Variants in KDM4B observed in about 807,000 individuals in gnomAD.
KDM4B encodes the protein lysine demethylase 4B, also known as lysine-specific demethylase 4B.
A neutral mutation model predicts 125.2 loss-of-function variants in KDM4B; 32 were observed. That is an observed-to-expected ratio of 0.26 (90% CI 0.19 to 0.34). KDM4B has a LOEUF of 0.34. KDM4B is among the 10% of genes least tolerant of loss of function. The pLI is 1.00. For synonymous variants in KDM4B, 721 were observed against 677.9 expected, an observed-to-expected ratio of 1.06 and a Z score of -0.99; for missense variants, 1,190 against 1,577.7, an observed-to-expected ratio of 0.75 and a Z score of 4.16.
rs116416042 is a variant in KDM4B, at chr19:5,121,308, C to T, written c.1315+1456C>T. ...TACTCGGTGGGGTACGTGGGCCCTG[C>T]GTCTGTTCAGCACGCCTCAGGAGGG... On this transcript the variant is annotated intron_variant, in intron 11 of 22. Coordinates refer to ENST00000159111, the MANE Select transcript of KDM4B (RefSeq NM_015015.3). Among the ~76,000 whole-genome samples, 272 of 152,242 alleles carry T rather than the reference C, an allele frequency of 1.8e-3. 2 individuals carry two copies. The highest frequency in any genetic ancestry group is 6.2e-3 in the African/African-American group (258 of 41,538).
chr19:5,083,005 C>G (rs12978731), intron 9 of KDM4B, among the ~76,000 whole-genome samples: 1 of 152,072 alleles, frequency 6.6e-6, no homozygotes, highest in Non-Finnish European at 1.5e-5. Context: ...AGTGGCAGTC[C>G]CCCAGCTCCC....
chr19:5,015,607 T>C (rs1599418261), intron 1 of KDM4B, among the ~76,000 whole-genome samples: 1 of 152,182 alleles, frequency 6.6e-6, no homozygotes, highest in Non-Finnish European at 1.5e-5. Flanking sequence ...CCCAGTACTT[T>C]GGGAACCCAA....
chr19:5,066,765 T>A (rs929074480), intron 6 of KDM4B, among the ~76,000 whole-genome samples: 4 of 152,306 alleles, frequency 2.6e-5, no homozygotes, highest in African/African-American at 9.6e-5. Flanking sequence ...GGGCTGGAGA[T>A]GCGGAGCCGA....
chr19:5,125,913 C>T (rs990112218), intron 11 of KDM4B, among the ~76,000 whole-genome samples: 4 of 152,158 alleles, frequency 2.6e-5, no homozygotes, highest in Non-Finnish European at 4.4e-5. Context: ...AGCCTCTGGA[C>T]GAGAGGTTTA....
At chr19:4,981,506 G>A (rs1435188301) in intron 1 of KDM4B, among the ~76,000 whole-genome samples, 3 of 152,168 alleles carry the variant, frequency 2.0e-5, no homozygotes, top group African/African-American at 7.2e-5. Context: ...TGACAGGGTT[G>A]TGAGCCTTAG....
chr19:5,054,117 C>A lies in KDM4B; in HGVS notation c.626+6448C>A, dbSNP rs148911607. On this transcript the variant is annotated intron_variant, in intron 6 of 22. Transcript: ENST00000159111. ...TTATTTTATTTTAGATGAAGTCTTG[C>A]TCTGTCATCCAGGCTGGAGTGCAGT... Among the ~76,000 whole-genome samples the A allele has an allele frequency of 4.3e-3, 651 of 152,352 alleles. 1 individual carries two copies. The highest frequency in any genetic ancestry group is 6.9e-3 in the Non-Finnish European group (470 of 68,036).
rs541088745 is a variant in KDM4B, at chr19:5,133,616, T to C, written c.1907-267T>C. ...GGGGAGGGGCTCAGAGGAACCATGT[T>C]TGGGGGCTCTGGCCTCAGGTGGCAG... is the stretch of plus-strand genomic sequence containing the variant. On this transcript the variant is annotated intron_variant, in intron 13 of 22. Coordinates refer to ENST00000159111, the MANE Select transcript of KDM4B (RefSeq NM_015015.3). 2.0e-5 allele frequency among the ~76,000 whole-genome samples: 3 copies of C among 152,262 alleles called. 1 individual carries two copies. The South Asian group carries it at 6.2e-4, about 32-fold the overall frequency.
rs540538065 is a variant in KDM4B at position 5,014,434 on chromosome 19, G to A, written c.-108-1823G>A. Among the ~76,000 whole-genome samples, 96 of 152,178 alleles carry A rather than the reference G, an allele frequency of 6.3e-4. 1 individual carries two copies. The highest frequency in any genetic ancestry group is 2.3e-3 in the African/African-American group (94 of 41,552). ...TGGGACTGCAGGCGCCCGCCACCAC[G>A]CCTGGCTAATTTTTTGTATTTTTAG... On this transcript the variant is annotated intron_variant, in intron 1 of 22. Transcript: ENST00000159111.
chr19:5,003,959 C>G lies in KDM4B; in HGVS notation c.-108-12298C>G, dbSNP rs1375496242. ...TTGTTGGCCGCGGTCGGATGCTCAG[C>G]CGCTTGAGAATGCTGTCTCCTGCCT... On this transcript the variant is annotated intron_variant, in intron 1 of 22. Transcript: ENST00000159111. 2.6e-5 allele frequency among the ~76,000 whole-genome samples: 4 copies of G among 152,304 alleles called. No homozygotes were observed. In the East Asian group the frequency reaches 5.8e-4, roughly 22 times the overall value.
intron 7 of KDM4B, among the ~76,000 whole-genome samples, chr19:5,071,340 C>G (rs1165111557): frequency 6.6e-6 from 1 of 152,216 alleles, no homozygotes; most frequent in Non-Finnish European, 1.5e-5. Flanking sequence ...ACTTCTTGGG[C>G]CTGGTCAAAG....
At chr19:5,058,549 G>T (rs556875063) in intron 6 of KDM4B, among the ~76,000 whole-genome samples, 2 of 152,272 alleles carry the variant, frequency 1.3e-5, no homozygotes, top group East Asian at 1.9e-4. Context: ...GGCTGTAGGA[G>T]CAGGCTTTCG....
rs553423609 is a variant in KDM4B at position 5,082,849 on chromosome 19, T to TC, written c.918+351dup. Among the ~76,000 whole-genome samples, 24 of 150,928 alleles carry TC rather than the reference T, an allele frequency of 1.6e-4. No individual in the cohort carries two copies. Among genetic ancestry groups the TC allele is most frequent in the Non-Finnish European group, 3.1e-4 (21 of 67,366 alleles). On this transcript the variant is annotated intron_variant, in intron 9 of 22. Coordinates refer to ENST00000159111, the MANE Select transcript of KDM4B (RefSeq NM_015015.3). This position sits in a 1 kb window ranked among gnomAD's most constrained non-coding sequence, Gnocchi z 5.4. ...GGTGTTTCCTCCACCAGCACCATTG[T>TC]CCCCCCTGCTGGCTGGCTCCTGGGC... is the stretch of plus-strand genomic sequence containing the variant.
chr19:5,073,525 T>G (rs1194630221), intron 7 of KDM4B, among the ~76,000 whole-genome samples: 1 of 152,234 alleles, frequency 6.6e-6, no homozygotes, highest in Non-Finnish European at 1.5e-5. Flanking sequence ...TAACTGAGAC[T>G]ACAGTTAGCC....
At chr19:5,011,563 C>T (rs2035728884) in intron 1 of KDM4B, among the ~76,000 whole-genome samples, 1 of 152,214 alleles carries the variant, frequency 6.6e-6, no homozygotes, top group Non-Finnish European at 1.5e-5. Flanking sequence ...TTTTGAAGGC[C>T]ACCTGGGGCT....
chr19:5,019,344 GGGTGTT>G (rs2036001206), intron 2 of KDM4B, among the ~76,000 whole-genome samples: 1 of 149,116 alleles, frequency 6.7e-6, no homozygotes, highest in Non-Finnish European at 1.5e-5. Flanking sequence ...GTGTTGGTGT[GGGTGTT>G]GGTGTGCAGG....
chr19:5,064,201 G>C (rs2037695204), intron 6 of KDM4B, among the ~76,000 whole-genome samples: 1 of 152,224 alleles, frequency 6.6e-6, no homozygotes, highest in African/African-American at 2.4e-5. Context: ...TCCTGGGCTT[G>C]CGTGGGTGGC....
intron 1 of KDM4B, among the ~76,000 whole-genome samples, chr19:4,979,814 C>T (rs1052340719): frequency 2.6e-5 from 4 of 152,164 alleles, no homozygotes; most frequent in Non-Finnish European, 5.9e-5. Flanking sequence ...TTAAAGTATA[C>T]AATTCAGGCT....
rs1364080716 is a variant in KDM4B at position 5,077,763 on chromosome 19, G to T, written c.780+293G>T. On this transcript the variant is annotated intron_variant, in intron 8 of 22. Transcript: ENST00000159111. Reference sequence around the variant, plus strand: ...AGGCCCCTCCGCAGGGGCTGCAGGGGTGGAAGGGCAGGGGCAGGCCCTGCT... The same window carrying T: ...AGGCCCCTCCGCAGGGGCTGCAGGGTTGGAAGGGCAGGGGCAGGCCCTGCT... 4.3e-5 allele frequency: 17 copies of T among 392,618 alleles called. 1 individual carries two copies. The highest frequency in any genetic ancestry group is 7.4e-5 in the Non-Finnish European group (16 of 215,344). 24.3% of individuals were successfully genotyped at this position (392,618 alleles called of 1,614,324 possible). A position where few individuals can be genotyped will look rare whatever the true frequency, so the allele number is the denominator to read the frequency against.
intron 15 of KDM4B, among the ~76,000 whole-genome samples, chr19:5,136,600 C>A (rs1463364232): frequency 6.6e-6 from 1 of 152,148 alleles, no homozygotes; most frequent in Non-Finnish European, 1.5e-5. Flanking sequence ...CCTGCCACAG[C>A]CGGGCCGCCC....
Sources: gnomAD v4.1 joint callset for allele counts (sites outside exome capture counted in the v4.1 genomes callset) on GRCh38, gnomAD v4.1.1 for gene constraint, Gnocchi (gnomAD v3.1) non-coding constraint, MANE v1.5 for transcripts, NCBI Gene and HGNC (gene_info 2026-07-23, HGNC 2026-07-21) for gene names.